The following PCDHA6 variants were observed in gnomAD, a reference collection of about 807,000 sequenced individuals.
PCDHA6 encodes protocadherin alpha-6.
Under a neutral mutation model 60.3 loss-of-function variants are expected in PCDHA6, and 55 were observed. That is an observed-to-expected ratio of 0.91 (90% CI 0.73 to 1.14). The LOEUF is 1.14. Among genes scored for constraint, PCDHA6 ranks in the 50% most tolerant of loss-of-function variants. PCDHA6 has a pLI of 0.00. For synonymous variants in PCDHA6, 652 were observed against 557.9 expected, an observed-to-expected ratio of 1.17 and a Z score of -2.38; for missense variants, 1,327 against 1,256.5, an observed-to-expected ratio of 1.06 and a Z score of -0.85.
chr5:140,860,713 A>G (rs2046537417), intron 1 of PCDHA6: 1 of 152,204 alleles, frequency 6.6e-6, no homozygotes, highest in Non-Finnish European at 1.5e-5. Context: ...GTTCTCCATG[A>G]AAAGTTTTTT....
chr5:140,851,028 C>T lies in PCDHA6; in HGVS notation c.2394+20543C>T, dbSNP rs574627365. The T allele has an allele frequency of 7.8e-6, 11 of 1,410,018 alleles. 1 individual carries two copies. The highest frequency in any genetic ancestry group is 3.7e-5 in the South Asian group (2 of 54,752). 87.3% of individuals were successfully genotyped at this position (1,410,018 alleles called of 1,614,324 possible). ...GATTTTTTTTCTGATAAAGTAAACC[C>T]CTTAACATTGGAGCCGACTTTGTCT... On this transcript the variant is annotated intron_variant, in intron 1 of 3. Transcript: ENST00000529310.
In PCDHA6 at chr5:140,869,069, A is replaced by G. The variant is rs781835431; in HGVS notation, c.2394+38584A>G. 4 of 1,572,072 alleles carry G rather than the reference A, an allele frequency of 2.5e-6. No individual in the cohort carries two copies. The East Asian group carries it at 9.0e-5, about 35-fold the overall frequency. ...CTGAAGAATCTGGTACTGTAAGTGT[A>G]AAGAAGCTTATTTTGGAAGCCAATT... On this transcript the variant is annotated intron_variant, in intron 1 of 3. Coordinates refer to ENST00000529310, the MANE Select transcript of PCDHA6 (RefSeq NM_018909.4).
At chr5:140,873,395 C>T (rs1376459228) in intron 1 of PCDHA6, among the ~76,000 whole-genome samples, 1 of 152,094 alleles carries the variant, frequency 6.6e-6, no homozygotes, top group African/African-American at 2.4e-5. Context: ...GGAATGTTTT[C>T]AGTACAGGTT....
At chr5:140,863,676 C>A (rs1403210762) in intron 1 of PCDHA6, 1 of 292,478 alleles carries the variant, frequency 3.4e-6, no homozygotes, top group Non-Finnish European at 6.7e-6. Context: ...TTTGCTTTTG[C>A]TTTTTCTTTT....
At chr5:140,856,346 GAGTGC>G in intron 1 of PCDHA6, 1 of 1,598,632 alleles carries the variant, frequency 6.3e-7, no homozygotes, top group South Asian at 1.1e-5. Context: ...GCGGAGCGTG[GAGTGC>G]AGCATCCACC....
intron 3 of PCDHA6, among the ~76,000 whole-genome samples, chr5:140,991,495 A>C (rs1331520722): frequency 6.6e-6 from 1 of 152,220 alleles, no homozygotes; most frequent in Non-Finnish European, 1.5e-5. Flanking sequence ...GTCCACAGTG[A>C]GTTTCACTGG....
At chr5:140,944,543 G>C (rs2093667961) in intron 1 of PCDHA6, among the ~76,000 whole-genome samples, 1 of 152,142 alleles carries the variant, frequency 6.6e-6, no homozygotes, top group South Asian at 2.1e-4. Context: ...AGTATTTAAA[G>C]ATCATAGTTT....
chr5:140,862,975 G>A (rs2047690621), intron 1 of PCDHA6: 2 of 544,994 alleles, frequency 3.7e-6, no homozygotes, highest in Middle Eastern at 3.0e-4. Context: ...CAGGCCACTT[G>A]GTGGCGAAGG....
At chr5:140,858,260 G>A (rs782801879) in intron 1 of PCDHA6, 2 of 1,597,208 alleles carry the variant, frequency 1.3e-6, no homozygotes, top group South Asian at 2.2e-5. Context: ...GCCCACGCTG[G>A]TGTGCTCTAG....
intron 1 of PCDHA6, chr5:140,927,292 C>A: frequency 6.2e-7 from 1 of 1,614,162 alleles, no homozygotes; most frequent in East Asian, 2.2e-5. Flanking sequence ...GCTGCACATC[C>A]CCGAGTTCCT....
chr5:141,004,101 T>C (rs2098153096), intron 3 of PCDHA6, among the ~76,000 whole-genome samples: 1 of 152,220 alleles, frequency 6.6e-6, no homozygotes, highest in Admixed American at 6.5e-5. Flanking sequence ...TCCGTTTTCA[T>C]CTTCTTCAAA....
At chr5:140,998,853 T>G (rs575455675) in intron 3 of PCDHA6, among the ~76,000 whole-genome samples, 1 of 152,346 alleles carries the variant, frequency 6.6e-6, no homozygotes, top group South Asian at 2.1e-4. Flanking sequence ...GTGAGCCACA[T>G]GCCTGGCCTT....
At position 140,829,519 on chromosome 5, in the gene PCDHA6, G is replaced by A. The variant is rs140453889; in HGVS notation, c.1428G>A (p.Thr476=). The change falls in exon 1 of 4, where the codon ACG becomes ACA. Residue 476 remains threonine, a synonymous_variant. Transcript: ENST00000529310. ...ACCCGCCGGGCTGCCACATCTTCAC[G>A]GTGTCTGCGCGAGACGCGGACGCGC... The part of the protein sequence containing the change: ...ENNPPGCHIF[T]VSARDADAQE... The A allele has an allele frequency of 2.7e-5, 43 of 1,613,306 alleles. No individual in the cohort carries two copies. The highest frequency in any genetic ancestry group is 3.6e-5 in the Non-Finnish European group (43 of 1,179,918).
At chr5:140,882,048 C>T in intron 1 of PCDHA6, 1 of 745,800 alleles carries the variant, frequency 1.3e-6, no homozygotes, top group Non-Finnish European at 2.1e-6. Context: ...CTGAGTCATA[C>T]TTACACTTAC....
intron 1 of PCDHA6, chr5:140,841,610 G>A (rs199713478): frequency 9.3e-7 from 1 of 1,080,210 alleles, no homozygotes; most frequent in Admixed American, 2.5e-5. Context: ...GGAGCTGTGC[G>A]GGCGGAGCGC....
chr5:141,006,689 G>A (rs1249412460), intron 3 of PCDHA6, among the ~76,000 whole-genome samples: 2 of 152,072 alleles, frequency 1.3e-5, no homozygotes, highest in Non-Finnish European at 2.9e-5. Context: ...TGGGAGAAGA[G>A]GACAGAGTCA....
intron 1 of PCDHA6, among the ~76,000 whole-genome samples, chr5:140,839,119 A>T (rs1433775897): frequency 1.3e-5 from 2 of 151,922 alleles, no homozygotes; most frequent in Non-Finnish European, 2.9e-5. Flanking sequence ...TTAAGCCATA[A>T]TATGTCATTC....
At chr5:140,869,712 G>A in intron 1 of PCDHA6, 4 of 1,613,408 alleles carry the variant, frequency 2.5e-6, no homozygotes, top group South Asian at 1.1e-5. Context: ...TGGATAGAGA[G>A]AAAACTCCGG....
intron 1 of PCDHA6, among the ~76,000 whole-genome samples, chr5:140,844,102 T>C (rs1273394917): frequency 6.7e-6 from 1 of 149,766 alleles, no homozygotes; most frequent in Non-Finnish European, 1.5e-5. Context: ...TCTTACTCCA[T>C]ATGCTGTACT....
Sources: gnomAD v4.1 joint callset for allele counts (sites outside exome capture counted in the v4.1 genomes callset) on GRCh38, gnomAD v4.1.1 for gene constraint, MANE v1.5 for transcripts, NCBI Gene and HGNC (gene_info 2026-07-23, HGNC 2026-07-21) for gene names.